SH3PXD2A: variants seen among roughly 807,000 people sequenced by gnomAD.
SH3PXD2A encodes SH3 and PX domain-containing protein 2A.
A neutral mutation model predicts 115.2 loss-of-function variants in SH3PXD2A; 32 were observed. The ratio of observed to expected loss-of-function variants is 0.28; its 90% confidence interval spans 0.21 to 0.37. SH3PXD2A has a LOEUF of 0.37. SH3PXD2A is among the 10% of genes least tolerant of loss of function. The pLI is 1.00. For synonymous variants in SH3PXD2A, 610 were observed against 629.1 expected (o/e 0.97, Z 0.45); for missense variants, 1,328 against 1,498.7 (o/e 0.89, Z 1.88).
At chr10:103,803,967 A>T (rs2039172438) in intron 1 of SH3PXD2A, among the ~76,000 whole-genome samples, 1 of 152,194 alleles carries the variant, frequency 6.6e-6, no homozygotes, top group Non-Finnish European at 1.5e-5. Context: ...TCCAGGTCAT[A>T]GGTGGATTTA....
Position 103,855,407 on chromosome 10 carries a change from C to A in SH3PXD2A, c.-141G>T. On this transcript the variant is annotated 5_prime_UTR_variant, in exon 1 of 15. Transcript: ENST00000369774. Reference sequence around the variant, plus strand: ...CGCCGAACGCTGCCCGGACTCCCGGCGCCCACAGGTCCGGCCCAGGGACGG... The same window carrying A: ...CGCCGAACGCTGCCCGGACTCCCGGAGCCCACAGGTCCGGCCCAGGGACGG... The A allele has an allele frequency of 5.8e-6, 3 of 517,834 alleles. No homozygotes were observed. Among genetic ancestry groups the A allele is most frequent in the Non-Finnish European group, 9.4e-6 (3 of 318,634 alleles). The allele number at this position is 517,834 out of a possible 1,614,324, so 32.1% of individuals were successfully genotyped here. A position where few individuals can be genotyped will look rare whatever the true frequency, so the allele number is the denominator to read the frequency against.
chr10:103,638,667 C>T (rs945083392), intron 8 of SH3PXD2A, among the ~76,000 whole-genome samples: 20 of 152,258 alleles, frequency 1.3e-4, no homozygotes, highest in African/African-American at 4.8e-4. Context: ...GTACCCACAT[C>T]TCAGTGTTGT....
Position 103,605,041 on chromosome 10 carries a change from C to T in SH3PXD2A, c.1428+757G>A, listed in dbSNP as rs186964134. 3.9e-5 allele frequency among the ~76,000 whole-genome samples: 6 copies of T among 152,334 alleles called. No homozygotes were observed. In the East Asian group the frequency reaches 1.2e-3, roughly 29 times the overall value. On this transcript the variant is annotated intron_variant, in intron 14 of 14. Transcript: ENST00000369774. ...TCAGAGAATTGACTAAGTTACAGCTCTTCTCTGCTGCCGGGAATACCATGC... is the reference window on the plus strand; with the variant it reads ...TCAGAGAATTGACTAAGTTACAGCTTTTCTCTGCTGCCGGGAATACCATGC...
chr10:103,835,712 G>A (rs1379658373), intron 1 of SH3PXD2A, among the ~76,000 whole-genome samples: 2 of 151,934 alleles, frequency 1.3e-5, no homozygotes, highest in African/African-American at 4.8e-5. Flanking sequence ...CCAGTCTCCC[G>A]TGCAGCTCTA....
intron 6 of SH3PXD2A, among the ~76,000 whole-genome samples, chr10:103,669,622 G>A (rs958652568): frequency 1.7e-4 from 26 of 152,318 alleles, no homozygotes; most frequent in South Asian, 2.1e-4. Context: ...CCATTTTACC[G>A]GGGAGGACTC....
intron 8 of SH3PXD2A, among the ~76,000 whole-genome samples, chr10:103,658,950 G>A (rs887857402): frequency 3.3e-5 from 5 of 152,244 alleles, no homozygotes; most frequent in South Asian, 2.1e-4. Flanking sequence ...GGTAGAATGC[G>A]GCTTCTAAGA....
chr10:103,626,945 A>G lies in SH3PXD2A; in HGVS notation c.718+144T>C, dbSNP rs185561083. The G allele has an allele frequency of 6.6e-5, 40 of 603,314 alleles. No homozygotes were observed. The East Asian group carries it at 8.8e-4, about 13-fold the overall frequency. The allele number at this position is 603,314 out of a possible 1,614,324, so 37.4% of individuals were successfully genotyped here. On this transcript the variant is annotated intron_variant, in intron 9 of 14. Transcript: ENST00000369774. ...GGGTGGGAGGTGAGCTTTTGGGCCA[A>G]CCTTACTGAGATGGGATCCCAAGGG...
At chr10:103,610,326 T>G (rs529335430) in intron 13 of SH3PXD2A, among the ~76,000 whole-genome samples, 1 of 152,354 alleles carries the variant, frequency 6.6e-6, no homozygotes, top group South Asian at 2.1e-4. Flanking sequence ...CAGCCCTGCC[T>G]CAGCAATCCC....
At chr10:103,782,594 T>C (rs1317443555) in intron 2 of SH3PXD2A, among the ~76,000 whole-genome samples, 2 of 152,128 alleles carry the variant, frequency 1.3e-5, no homozygotes, top group African/African-American at 4.8e-5. Context: ...GGTACTGTTC[T>C]AGGCATCGGG....
At chr10:103,684,445 G>A (rs192051504) in intron 6 of SH3PXD2A, among the ~76,000 whole-genome samples, 3 of 151,466 alleles carry the variant, frequency 2.0e-5, no homozygotes, top group Admixed American at 1.3e-4. Context: ...TGCAAACTCC[G>A]CCCCCTGGGT....
chr10:103,635,389 C>G (rs1173989328), intron 8 of SH3PXD2A, among the ~76,000 whole-genome samples: 1 of 152,208 alleles, frequency 6.6e-6, no homozygotes, highest in African/African-American at 2.4e-5. Context: ...CCTTAGTGCA[C>G]CCTTCAGCCC....
At chr10:103,725,663 C>G (rs184982457) in intron 4 of SH3PXD2A, among the ~76,000 whole-genome samples, 23 of 151,938 alleles carry the variant, frequency 1.5e-4, no homozygotes, top group Admixed American at 1.3e-4. Context: ...CCCGTCTCTA[C>G]GAAAAATACA....
chr10:103,675,402 A>G (rs1218018884), intron 6 of SH3PXD2A, among the ~76,000 whole-genome samples: 5 of 152,216 alleles, frequency 3.3e-5, no homozygotes, highest in Admixed American at 3.3e-4. Context: ...GAAATCTAGT[A>G]GAGCTGAATT....
In SH3PXD2A at chr10:103,602,014, G is replaced by A. The variant is rs2036221508; in HGVS notation, c.3204C>T (p.Phe1068=). Residue 1068 remains phenylalanine, a synonymous_variant, in exon 15 of 15, where the codon TTC becomes TTT. Transcript: ENST00000369774. The part of the protein sequence containing the change: ...VRPKPIEKSQ[F]IHNNLKDVYV... ...ACACATCTTTGAGGTTATTGTGGATGAACTGAGACTTCTCGATGGGCTTGG... is the reference window on the plus strand; with the variant it reads ...ACACATCTTTGAGGTTATTGTGGATAAACTGAGACTTCTCGATGGGCTTGG... 1.2e-6 allele frequency: 2 copies of A among 1,613,454 alleles called. No individual in the cohort carries two copies. Among genetic ancestry groups the A allele is most frequent in the Middle Eastern group, 1.6e-4 (1 of 6,080 alleles).
intron 4 of SH3PXD2A, among the ~76,000 whole-genome samples, chr10:103,725,297 T>G (rs968194491): frequency 6.6e-6 from 1 of 152,124 alleles, no homozygotes; most frequent in African/African-American, 2.4e-5. Flanking sequence ...GGCCTTGTTT[T>G]AGGCCAAGCT....
chr10:103,598,152 A>C lies in SH3PXD2A; in HGVS notation c.*3664T>G, dbSNP rs1029570211. 3 of 152,692 alleles carry C rather than the reference A, an allele frequency of 2.0e-5. No individual in the cohort carries two copies. The highest frequency in any genetic ancestry group is 4.4e-5 in the Non-Finnish European group (3 of 68,052). The allele number at this position is 152,692 out of a possible 1,614,324, so 9.5% of individuals were successfully genotyped here. On this transcript the variant is annotated 3_prime_UTR_variant, in exon 15 of 15. Coordinates refer to ENST00000369774, the MANE Select transcript of SH3PXD2A (RefSeq NM_001394015.1). ...CCTTCGTCAAGATGGAAAATCAAGG[A>C]GGAAGAAAGAGAAACCTTTGGGGCC...
intron 5 of SH3PXD2A, among the ~76,000 whole-genome samples, chr10:103,707,208 T>C (rs2037991928): frequency 6.6e-6 from 1 of 152,080 alleles, no homozygotes. Context: ...AATTTTTTTT[T>C]TTTTTTGAGA....
chr10:103,769,802 A>G (rs1313805547), intron 2 of SH3PXD2A, among the ~76,000 whole-genome samples: 1 of 152,168 alleles, frequency 6.6e-6, no homozygotes, highest in African/African-American at 2.4e-5. Context: ...AAAAACAGCA[A>G]CTGGGCCATA....
At chr10:103,668,248 G>C (rs1295657442) in intron 7 of SH3PXD2A, among the ~76,000 whole-genome samples, 1 of 152,276 alleles carries the variant, frequency 6.6e-6, no homozygotes, top group Non-Finnish European at 1.5e-5. Context: ...CACTGCCTGA[G>C]CACTTTCTGT....
Sources: gnomAD v4.1 joint callset for allele counts (sites outside exome capture counted in the v4.1 genomes callset) on GRCh38, gnomAD v4.1.1 for gene constraint, MANE v1.5 for transcripts, NCBI Gene and HGNC (gene_info 2026-07-23, HGNC 2026-07-21) for gene names.